Variants in VPS13B observed in about 807,000 individuals in gnomAD.
VPS13B encodes the protein vacuolar protein sorting 13 homolog B.
Under a neutral mutation model 426.4 loss-of-function variants are expected in VPS13B, and 285 were observed. The ratio of observed to expected loss-of-function variants is 0.67; its 90% CI spans 0.61 to 0.74. The LOEUF (loss-of-function observed/expected upper bound fraction) is 0.74, where lower values mean the gene tolerates loss of function less well. Among genes scored for constraint, VPS13B ranks in the 30% least tolerant of loss-of-function variants. VPS13B has a pLI of 0.00. For missense variants in VPS13B, 4,537 were observed against 4,782.6 expected (o/e 0.95, Z 1.51); for synonymous variants, 1,676 against 1,676.4 (o/e 1.00, Z 0.01).
intron 25 of VPS13B, among the ~76,000 whole-genome samples, chr8:99,489,147 T>TC (rs1287169235): frequency 2.0e-5 from 3 of 152,190 alleles, no homozygotes; most frequent in African/African-American, 7.2e-5. Context: ...GGGAGTCCTT[T>TC]CCCTGTTACT....
intron 17 of VPS13B, among the ~76,000 whole-genome samples, chr8:99,255,989 C>G (rs764218562): frequency 2.6e-5 from 4 of 152,144 alleles, no homozygotes; most frequent in Admixed American, 2.0e-4. Context: ...TTGATCTTTG[C>G]TGTTGTTGGT....
At chr8:99,415,416 C>A (rs1036262129) in intron 21 of VPS13B, among the ~76,000 whole-genome samples, 5 of 152,054 alleles carry the variant, frequency 3.3e-5, no homozygotes, top group Non-Finnish European at 5.9e-5. Context: ...CTGCCTCTAT[C>A]AATTTGTCAA....
At chr8:99,024,634 TTTG>T (rs2132163754) in intron 2 of VPS13B, among the ~76,000 whole-genome samples, 1 of 152,356 alleles carries the variant, frequency 6.6e-6, no homozygotes, top group African/African-American at 2.4e-5. Flanking sequence ...TGTTTTTGGT[TTTG>T]TTGTTCTGTT....
chr8:99,795,538 A>C (rs1812760643), intron 43 of VPS13B, among the ~76,000 whole-genome samples: 1 of 152,198 alleles, frequency 6.6e-6, no homozygotes, highest in Non-Finnish European at 1.5e-5. Context: ...CTGTATAAAA[A>C]ATTACCCCAA....
At chr8:99,711,876 T>C (rs1832721839) in intron 36 of VPS13B, among the ~76,000 whole-genome samples, 1 of 152,204 alleles carries the variant, frequency 6.6e-6, no homozygotes, top group African/African-American at 2.4e-5. Flanking sequence ...AATGGATACA[T>C]GCCTACATAA....
rs1813818500 is a variant in VPS13B, at chr8:99,381,680, G to A, written c.2825-2528G>A. Among the ~76,000 whole-genome samples, 4 of 151,620 alleles carry A rather than the reference G, an allele frequency of 2.6e-5. No homozygotes were observed. In the South Asian group the frequency reaches 6.3e-4, roughly 24 times the overall value. ...AATGATGTTGAGTTTTTTTTCATAT[G>A]CTTGTTGGCCATATGTATATCTTCT... On this transcript the variant is annotated intron_variant, in intron 19 of 61. Coordinates refer to ENST00000357162, the MANE Select transcript of VPS13B (RefSeq NM_152564.5).
chr8:99,809,339 G>C, intron 43 of VPS13B, 36 bp from the exon 44 acceptor site: 1 of 1,613,492 alleles, frequency 6.2e-7, no homozygotes, highest in Non-Finnish European at 8.5e-7. Flanking sequence ...TTGTTGGCAC[G>C]TTTGGCATTA....
intron 4 of VPS13B, among the ~76,000 whole-genome samples, chr8:99,098,262 G>A (rs1442492331): frequency 1.3e-5 from 2 of 152,090 alleles, no homozygotes; most frequent in Admixed American, 1.3e-4. Context: ...AAGACAGGGT[G>A]GAGTGTTTAC....
chr8:99,067,668 G>C (rs1016636690), intron 3 of VPS13B, among the ~76,000 whole-genome samples: 52 of 152,292 alleles, frequency 3.4e-4, no homozygotes, highest in African/African-American at 1.2e-3. Flanking sequence ...ATTTTGGAAT[G>C]CCTTGGACAC....
chr8:99,594,605 A>T (rs1012671137), intron 33 of VPS13B, among the ~76,000 whole-genome samples: 2 of 152,032 alleles, frequency 1.3e-5, no homozygotes, highest in Non-Finnish European at 2.9e-5. Context: ...GGATAAAAGA[A>T]TGATGTAATA....
chr8:99,666,479 C>G (rs929548675), intron 35 of VPS13B, among the ~76,000 whole-genome samples: 7 of 152,156 alleles, frequency 4.6e-5, no homozygotes, highest in African/African-American at 1.7e-4. Flanking sequence ...TGGGCTTCAT[C>G]CCTGGGATGC....
At chr8:99,587,635 A>G (rs540734056) in intron 33 of VPS13B, among the ~76,000 whole-genome samples, 3 of 151,718 alleles carry the variant, frequency 2.0e-5, no homozygotes, top group East Asian at 3.9e-4. Flanking sequence ...TAAAGTGTCT[A>G]TTCATATCCT....
At position 99,823,984 on chromosome 8, in the gene VPS13B, C is replaced by A. The variant is rs1397704707; in HGVS notation, c.9330+6C>A. 2 of 1,611,006 alleles carry A rather than the reference C, an allele frequency of 1.2e-6. No individual in the cohort carries two copies. The highest frequency in any genetic ancestry group is 8.5e-7 in the Non-Finnish European group (1 of 1,179,528). ...ATCCCCATTCTGGAAAGGAGGTAAG[C>A]AAATCATAACGATTCTTTTGTCTAA... On this transcript the variant is annotated splice_donor_region_variant and intron_variant, in intron 51 of 61. Transcript: ENST00000357162.
intron 2 of VPS13B, among the ~76,000 whole-genome samples, chr8:99,030,240 C>T (rs1374215108): frequency 1.6e-5 from 2 of 126,972 alleles, no homozygotes; most frequent in Middle Eastern, 5.4e-3. Flanking sequence ...TTTCGGCTAA[C>T]CTGGGTACAG....
At chr8:99,557,031 C>T (rs1824618725) in intron 31 of VPS13B, among the ~76,000 whole-genome samples, 1 of 152,052 alleles carries the variant, frequency 6.6e-6, no homozygotes, top group Non-Finnish European at 1.5e-5. Context: ...TTAATGAATA[C>T]TCTGCAAAGT....
intron 33 of VPS13B, among the ~76,000 whole-genome samples, chr8:99,621,654 G>T (rs1828354116): frequency 6.6e-6 from 1 of 152,062 alleles, no homozygotes; most frequent in African/African-American, 2.4e-5. Flanking sequence ...TGTAAGATAA[G>T]TTATTTTTGT....
intron 19 of VPS13B, among the ~76,000 whole-genome samples, chr8:99,321,796 G>C (rs1810001800): frequency 6.6e-6 from 1 of 152,142 alleles, no homozygotes; most frequent in Non-Finnish European, 1.5e-5. Flanking sequence ...TATGAGAAAT[G>C]TGTTATGGGA....
chr8:99,090,724 T>C (rs1563534138), intron 3 of VPS13B, among the ~76,000 whole-genome samples: 1 of 152,188 alleles, frequency 6.6e-6, no homozygotes. Context: ...CAGACATCTT[T>C]TGCTGAGGGA....
At chr8:99,450,545 T>C (rs529519224) in intron 23 of VPS13B, among the ~76,000 whole-genome samples, 68 of 152,158 alleles carry the variant, frequency 4.5e-4, no homozygotes, top group African/African-American at 1.6e-3. Flanking sequence ...AAACCCTGTC[T>C]CTACTAAAAT....
Sources: allele counts gnomAD v4.1 joint callset (sites outside exome capture counted in the v4.1 genomes callset), GRCh38; gene constraint gnomAD v4.1.1; transcripts MANE v1.5; gene names NCBI Gene and HGNC (gene_info 2026-07-23, HGNC 2026-07-21).